The following SRRD variants were observed in gnomAD, a reference collection of about 807,000 sequenced individuals.
The protein encoded by SRRD is SRR1 domain containing.
In SRRD, 28 loss-of-function variants were observed where a neutral mutation model predicts 30.7. The observed-to-expected ratio is 0.91, with a 90% confidence interval of 0.68 to 1.25. The LOEUF (loss-of-function observed/expected upper bound fraction) is 1.25. Among genes scored for constraint, SRRD ranks in the 50% most tolerant of loss-of-function variants. The probability of loss-of-function intolerance (pLI) is 0.00; values close to 1 mark genes in which losing one functional copy is unlikely to be tolerated. For synonymous variants in SRRD, 161 were observed against 159.6 expected (o/e 1.01, Z -0.07); for missense variants, 415 against 417.3 (o/e 0.99, Z 0.05).
At chr22:26,486,933 T>C (rs2091713102) in intron 2 of SRRD, among the ~76,000 whole-genome samples, 1 of 150,932 alleles carries the variant, frequency 6.6e-6, no homozygotes, top group African/African-American at 2.4e-5. Flanking sequence ...TTTTTTTTTT[T>C]TCTTTTGAGA....
chr22:26,492,190 G>A lies in SRRD; in HGVS notation c.*518G>A, dbSNP rs957327049. On this transcript the variant is annotated 3_prime_UTR_variant, in exon 7 of 7. Transcript: ENST00000215917. ...AGACAATGTTGTGCTCCTCAGCCTT[G>A]GTCTCAATGAGGTCCTTAAAGTTCA... is the stretch of plus-strand genomic sequence containing the variant. 2 of 1,614,088 alleles carry A rather than the reference G, an allele frequency of 1.2e-6. No homozygotes were observed. The highest frequency in any genetic ancestry group is 2.7e-5 in the African/African-American group (2 of 74,930).
intron 4 of SRRD, among the ~76,000 whole-genome samples, chr22:26,489,138 G>T (rs144601901): frequency 6.6e-6 from 1 of 152,308 alleles, no homozygotes; most frequent in East Asian, 1.9e-4. Context: ...TGCTTATTAT[G>T]TATGAAAATT....
Position 26,491,772 on chromosome 22 carries a change from G to A in SRRD, c.*100G>A. ...GAACTACAGAGAACTCCTTTGCCAG[G>A]AAAGAACATCAACTTGGCTGTCCTG... On this transcript the variant is annotated 3_prime_UTR_variant, in exon 7 of 7. Coordinates refer to ENST00000215917, the MANE Select transcript of SRRD (RefSeq NM_001013694.3). 16 of 1,159,374 alleles carry A rather than the reference G, an allele frequency of 1.4e-5. No homozygotes were observed. Among genetic ancestry groups the A allele is most frequent in the Non-Finnish European group, 1.8e-5 (15 of 828,046 alleles). 71.8% of individuals were successfully genotyped at this position (1,159,374 alleles called of 1,614,324 possible).
chr22:26,489,956 A>T, intron 4 of SRRD, 88 bp from the exon 5 acceptor site: 1 of 1,461,422 alleles, frequency 6.8e-7, no homozygotes, highest in South Asian at 1.3e-5. Flanking sequence ...AGTTTGTCTC[A>T]TGATTATCCC....
chr22:26,485,995 A>AT (rs746390163), intron 1 of SRRD, 28 bp from the exon 2 acceptor site: 2 of 1,614,184 alleles, frequency 1.2e-6, no homozygotes, highest in South Asian at 1.1e-5. Context: ...TGGGTGGGAC[A>AT]TGACTGTGCC....
intron 5 of SRRD, 151 bp from the exon 6 acceptor site, chr22:26,490,874 G>C (rs1921078770): frequency 2.9e-6 from 2 of 690,352 alleles, no homozygotes; most frequent in Non-Finnish European, 4.8e-6. Flanking sequence ...TATTTAACTG[G>C]TTTACTCCAC....
chr22:26,491,487 G>C lies in SRRD; in HGVS notation c.835G>C (p.Glu279Gln), dbSNP rs745438122. The C allele has an allele frequency of 1.9e-6, 3 of 1,613,432 alleles. No homozygotes were observed. Among genetic ancestry groups the C allele is most frequent in the Non-Finnish European group, 2.5e-6 (3 of 1,179,962 alleles). Reference sequence around the variant, plus strand: ...GATTTTAAAAGGACTGGAGGAGCTTGAGTTTCCTCAGACTTCACAATACAT... The same window carrying C: ...GATTTTAAAAGGACTGGAGGAGCTTCAGTTTCCTCAGACTTCACAATACAT... The part of the protein sequence containing the change: ...AKILKGLEEL[E>Q]FPQTSQYMDI... The change falls in exon 7 of 7, where the codon GAG becomes CAG. Residue 279 changes from glutamate (E) to glutamine (Q), a missense_variant. By Grantham distance (29) the Glu-to-Gln change is conservative. Coordinates refer to ENST00000215917, the MANE Select transcript of SRRD (RefSeq NM_001013694.3).
Position 26,490,045 on chromosome 22 carries a change from A to G in SRRD, c.611A>G (p.Glu204Gly). 2 of 1,613,924 alleles carry G rather than the reference A, an allele frequency of 1.2e-6. No individual in the cohort carries two copies. The highest frequency in any genetic ancestry group is 8.5e-7 in the Non-Finnish European group (1 of 1,179,864). ...LGVTVLSENE[E>G]GKRSIRGEPT... is the part of the protein sequence containing the mutation. ...CACCTGTGAATATCGTATCCCCAGG[A>G]AGGGAAACGGAGTATTCGCGGGGAG... Residue 204 changes from glutamate to glycine, a missense_variant and splice_region_variant, in exon 5 of 7, where the codon GAA (glutamate) becomes GGA (glycine). By Grantham distance (98) the Glu-to-Gly change is moderately conservative. Transcript: ENST00000215917.
Position 26,492,047 on chromosome 22 carries a change from G to T in SRRD, c.*375G>T. 1 of 1,606,308 alleles carries T rather than the reference G, an allele frequency of 6.2e-7. No individual in the cohort carries two copies. Among genetic ancestry groups the T allele is most frequent in the Non-Finnish European group, 8.5e-7 (1 of 1,176,440 alleles). On this transcript the variant is annotated 3_prime_UTR_variant, in exon 7 of 7. Coordinates refer to ENST00000215917, the MANE Select transcript of SRRD (RefSeq NM_001013694.3). ...CATGTCGATCAGGCTCTGCAGTGAG[G>T]TGGGCACCCACGTCTTCTCGCCCTG...
At position 26,494,613 on chromosome 22, in the gene SRRD, G is replaced by C. The variant is rs937860765; in HGVS notation, c.*2941G>C. 8.0e-5 allele frequency: 72 copies of C among 897,542 alleles called. No homozygotes were observed. Among genetic ancestry groups the C allele is most frequent in the Admixed American group, 1.7e-4 (6 of 35,988 alleles). The allele number at this position is 897,542 out of a possible 1,614,324, so 55.6% of individuals were successfully genotyped here. On this transcript the variant is annotated 3_prime_UTR_variant, in exon 7 of 7. Coordinates refer to ENST00000215917, the MANE Select transcript of SRRD (RefSeq NM_001013694.3). ...TAAAGCAAATAAAGTGCTTGGAACA[G>C]CTTCTGATACATGGCAAATGTCCAA... is the stretch of plus-strand genomic sequence containing the variant.
At position 26,492,852 on chromosome 22, in the gene SRRD, A is replaced by G. The variant is rs1921390469; in HGVS notation, c.*1180A>G. The stretch of plus-strand genomic sequence containing the variant: ...AGCTGAAATGAGTGTTTAAAGGATA[A>G]TACCAAGACCATAAATGCTAAGTGC... On this transcript the variant is annotated 3_prime_UTR_variant, in exon 7 of 7. Coordinates refer to ENST00000215917, the MANE Select transcript of SRRD (RefSeq NM_001013694.3). 6.1e-6 allele frequency: 1 copy of G among 164,860 alleles called. No individual in the cohort carries two copies. The highest frequency in any genetic ancestry group is 5.5e-5 in the Admixed American group (1 of 18,034). 10.2% of individuals were successfully genotyped at this position (164,860 alleles called of 1,614,324 possible). A position where few individuals can be genotyped will look rare whatever the true frequency, so the allele number is the denominator to read the frequency against.
In SRRD at chr22:26,492,855, C is replaced by A; in HGVS notation, c.*1183C>A. 6.1e-6 allele frequency: 1 copy of A among 163,792 alleles called. No homozygotes were observed. 10.1% of individuals were successfully genotyped at this position (163,792 alleles called of 1,614,324 possible). ...TGAAATGAGTGTTTAAAGGATAATACCAAGACCATAAATGCTAAGTGCTAA... is the reference window on the plus strand; with the variant it reads ...TGAAATGAGTGTTTAAAGGATAATAACAAGACCATAAATGCTAAGTGCTAA... On this transcript the variant is annotated 3_prime_UTR_variant, in exon 7 of 7. Transcript: ENST00000215917.
Position 26,492,591 on chromosome 22 carries a change from A to C in SRRD, c.*919A>C. ...GCTAGTATCTAGTAACCAGATTATT[A>C]ATATTCAACATTTTAAAATGAAGTA... is the stretch of plus-strand genomic sequence containing the variant. On this transcript the variant is annotated 3_prime_UTR_variant, in exon 7 of 7. Coordinates refer to ENST00000215917, the MANE Select transcript of SRRD (RefSeq NM_001013694.3). The C allele has an allele frequency of 1.8e-6, 1 of 551,490 alleles. No individual in the cohort carries two copies. Among genetic ancestry groups the C allele is most frequent in the Non-Finnish European group, 3.3e-6 (1 of 307,538 alleles). 34.2% of individuals were successfully genotyped at this position (551,490 alleles called of 1,614,324 possible).
chr22:26,490,027 G>A lies in SRRD; in HGVS notation c.610-17G>A. 1 of 1,613,752 alleles carries A rather than the reference G, an allele frequency of 6.2e-7. No individual in the cohort carries two copies. The highest frequency in any genetic ancestry group is 8.5e-7 in the Non-Finnish European group (1 of 1,179,786). ...AGGTTGTGGGCATGTTTACACCTGTGAATATCGTATCCCCAGGAAGGGAAA... is the reference window on the plus strand; with the variant it reads ...AGGTTGTGGGCATGTTTACACCTGTAAATATCGTATCCCCAGGAAGGGAAA... On this transcript the variant is annotated splice_polypyrimidine_tract_variant and intron_variant, in intron 4 of 6. Transcript: ENST00000215917.
chr22:26,494,093 T>C lies in SRRD; in HGVS notation c.*2421T>C, dbSNP rs1473322948. The C allele has an allele frequency of 6.2e-7, 1 of 1,604,596 alleles. No individual in the cohort carries two copies. The highest frequency in any genetic ancestry group is 1.7e-5 in the Admixed American group (1 of 59,290). On this transcript the variant is annotated 3_prime_UTR_variant, in exon 7 of 7. Transcript: ENST00000215917. ...TTCTGTGTCATTTACATGTGTAAAA[T>C]CTGAAACTTGGGGCCAGGACATCCA...
intron 1 of SRRD, among the ~76,000 whole-genome samples, chr22:26,484,586 T>C (rs973585085): frequency 1.3e-5 from 2 of 152,212 alleles, no homozygotes; most frequent in African/African-American, 4.8e-5. Context: ...TTCTACACAC[T>C]TTATGTTAAA....
Position 26,492,487 on chromosome 22 carries a change from C to A in SRRD, c.*815C>A. 1 of 864,372 alleles carries A rather than the reference C, an allele frequency of 1.2e-6. No individual in the cohort carries two copies. Among genetic ancestry groups the A allele is most frequent in the Non-Finnish European group, 1.8e-6 (1 of 549,554 alleles). The allele number at this position is 864,372 out of a possible 1,614,324, so 53.5% of individuals were successfully genotyped here. A position where few individuals can be genotyped will look rare whatever the true frequency, so the allele number is the denominator to read the frequency against. ...GTGCTTGTGACTCACTGAAGGGCAG[C>A]TCTGCCTCAAAGATACAACTTTGGA... On this transcript the variant is annotated 3_prime_UTR_variant, in exon 7 of 7. Transcript: ENST00000215917.
chr22:26,494,380 T>C lies in SRRD; in HGVS notation c.*2708T>C. ...AGATTTCTGAAGTGGCCATTTGTTT[T>C]GTTTTGATCCTGGTCCTACAGGCTA... On this transcript the variant is annotated 3_prime_UTR_variant, in exon 7 of 7. Transcript: ENST00000215917. The C allele has an allele frequency of 1.3e-6, 2 of 1,568,498 alleles. No individual in the cohort carries two copies. The highest frequency in any genetic ancestry group is 1.1e-5 in the South Asian group (1 of 89,578).
In SRRD at chr22:26,494,642, A is replaced by G; in HGVS notation, c.*2970A>G. 1 of 1,068,634 alleles carries G rather than the reference A, an allele frequency of 9.4e-7. No homozygotes were observed. Among genetic ancestry groups the G allele is most frequent in the Non-Finnish European group, 1.3e-6 (1 of 750,904 alleles). 66.2% of individuals were successfully genotyped at this position (1,068,634 alleles called of 1,614,324 possible). A position where few individuals can be genotyped will look rare whatever the true frequency, so the allele number is the denominator to read the frequency against. ...CTGATACATGGCAAATGTCCAATAA[A>G]TGGTGCCCACTATGAAGATGACCTA... On this transcript the variant is annotated 3_prime_UTR_variant, in exon 7 of 7. Coordinates refer to ENST00000215917, the MANE Select transcript of SRRD (RefSeq NM_001013694.3).
Sources: gnomAD v4.1 joint callset for allele counts (sites outside exome capture counted in the v4.1 genomes callset) on GRCh38, gnomAD v4.1.1 for gene constraint, MANE v1.5 for transcripts, NCBI Gene and HGNC (gene_info 2026-07-23, HGNC 2026-07-21) for gene names.